ETS2: variants seen among roughly 807,000 people sequenced by gnomAD.
The protein encoded by ETS2 is ETS proto-oncogene 2, transcription factor.
A neutral mutation model predicts 54.9 loss-of-function variants in ETS2; 19 were observed. The ratio of observed to expected loss-of-function variants is 0.35; its 90% CI spans 0.24 to 0.51. ETS2 has a LOEUF of 0.51. Ranked by LOEUF, ETS2 falls within the 20% of genes least tolerant of loss-of-function variation. The pLI is 0.97. For missense variants in ETS2, 417 were observed against 593.0 expected, an observed-to-expected ratio of 0.70 and a Z score of 3.08; for synonymous variants, 219 against 229.3, an observed-to-expected ratio of 0.95 and a Z score of 0.41.
At position 38,814,371 on chromosome 21, in the gene ETS2, C is replaced by T. The variant is rs760122401; in HGVS notation, c.283C>T (p.Arg95Trp). The stretch of plus-strand genomic sequence containing the variant: ...CTTCAGTGGCTTCAAAAAGGAACAG[C>T]GGCGCCTGGGCATTCCAAAGAGTAA... ...ATFSGFKKEQ[R>W]RLGIPKNPWL... Residue 95 changes from arginine to tryptophan, a missense_variant, in exon 4 of 10, where the codon CGG becomes TGG. Transcript: ENST00000360938. This position sits in a 1 kb window ranked among gnomAD's most constrained non-coding sequence, Gnocchi z 4.2. The T allele has an allele frequency of 2.2e-5, 36 of 1,613,976 alleles. No individual in the cohort carries two copies. Among genetic ancestry groups the T allele is most frequent in the Admixed American group, 1.3e-4 (8 of 60,004 alleles).
chr21:38,807,520 C>G (rs953500365), intron 1 of ETS2, among the ~76,000 whole-genome samples: 15 of 150,954 alleles, frequency 9.9e-5, no homozygotes, highest in African/African-American at 3.7e-4. Flanking sequence ...ATCTAACAAG[C>G]CCTGTTGAGT....
chr21:38,819,602 A>G lies in ETS2; in HGVS notation c.911A>G (p.Asp304Gly). The G allele has an allele frequency of 6.2e-7, 1 of 1,614,154 alleles. No individual in the cohort carries two copies. The highest frequency in any genetic ancestry group is 8.5e-7 in the Non-Finnish European group (1 of 1,180,014). The change falls in exon 8 of 10, where the codon GAT becomes GGT. Residue 304 changes from aspartate (D) to glycine (G), a missense_variant. Asp to Gly is a moderately conservative substitution (Grantham distance 94, BLOSUM62 -1). Transcript: ENST00000360938. The stretch of plus-strand genomic sequence containing the variant: ...TGGAACAGCCAGTCGTCCTTGCTGG[A>G]TGTGCAACGGGTTCCTTCCTTCGAG... ...QSWNSQSSLL[D>G]VQRVPSFESF...
In ETS2 at chr21:38,823,425, T is replaced by C. The variant is rs1189114581; in HGVS notation, c.*536T>C. The C allele has an allele frequency of 6.6e-6, 1 of 152,632 alleles. No individual in the cohort carries two copies. Among genetic ancestry groups the C allele is most frequent in the Non-Finnish European group, 1.5e-5 (1 of 68,052 alleles). The allele number at this position is 152,632 out of a possible 1,614,324, so 9.5% of individuals were successfully genotyped here. ...AGAAATTGTATATTGTAATTTAAAATAATTATATAACTGTATTTGAAATAA... is the reference window on the plus strand; with the variant it reads ...AGAAATTGTATATTGTAATTTAAAACAATTATATAACTGTATTTGAAATAA... On this transcript the variant is annotated 3_prime_UTR_variant, in exon 10 of 10. Transcript: ENST00000360938.
chr21:38,805,989 G>T lies in ETS2; in HGVS notation c.-132G>T, dbSNP rs774473866. 13 of 1,263,460 alleles carry T rather than the reference G, an allele frequency of 1.0e-5. No individual in the cohort carries two copies. The South Asian group carries it at 1.5e-4, about 15-fold the overall frequency. The allele number at this position is 1,263,460 out of a possible 1,614,324, so 78.3% of individuals were successfully genotyped here. A position where few individuals can be genotyped will look rare whatever the true frequency, so the allele number is the denominator to read the frequency against. On this transcript the variant is annotated 5_prime_UTR_variant, in exon 1 of 10. Transcript: ENST00000360938. The surrounding 1 kb of genome is among the most constrained non-coding windows in gnomAD (Gnocchi z 5.2). The stretch of plus-strand genomic sequence containing the variant: ...GCTCCAGCTCAGAGCTCCCGGAGCC[G>T]CCCGGCCAGCGTCCGGCCTCCCTGA...
At chr21:38,810,305 GTTC>G (rs2060909300) in intron 2 of ETS2, among the ~76,000 whole-genome samples, 199 bp downstream of exon 2, 1 of 152,102 alleles carries the variant, frequency 6.6e-6, no homozygotes, top group African/African-American at 2.4e-5. Context: ...GATGTGTGTT[GTTC>G]TTCTCCTCCA....
At chr21:38,818,763 G>T in intron 7 of ETS2, 117 bp downstream of exon 7, 1 of 1,198,422 alleles carries the variant, frequency 8.3e-7, no homozygotes, top group Non-Finnish European at 1.2e-6. Flanking sequence ...GGGGGTCAAA[G>T]CCCATGTTCT....
At position 38,824,428 on chromosome 21, in the gene ETS2, C is replaced by CCTT. The variant is rs34669702; in HGVS notation, c.*1540_*1542dup. On this transcript the variant is annotated 3_prime_UTR_variant, in exon 10 of 10. Coordinates refer to ENST00000360938, the MANE Select transcript of ETS2 (RefSeq NM_005239.6). ...GCACCTGAGTCATGTGTATTCCCGG[C>CCTT]CTTTATAAATGACCCGGTCAAGTTG... The CCTT allele has an allele frequency of 0.34, 51,728 of 152,204 alleles. 8,823 individuals are homozygous for CCTT. Among genetic ancestry groups the CCTT allele is most frequent in the Non-Finnish European group, 0.36 (24,311 of 68,108 alleles). 9.4% of individuals were successfully genotyped at this position (152,204 alleles called of 1,614,324 possible). A position where few individuals can be genotyped will look rare whatever the true frequency, so the allele number is the denominator to read the frequency against.
chr21:38,809,044 G>C (rs750192284), intron 1 of ETS2, among the ~76,000 whole-genome samples: 26 of 152,198 alleles, frequency 1.7e-4, no homozygotes, highest in Non-Finnish European at 1.9e-4. Context: ...TAAATTTTCA[G>C]CCTATTATGT....
Position 38,814,204 on chromosome 21 carries a change from C to T in ETS2, c.185-69C>T. 2.7e-6 allele frequency: 4 copies of T among 1,492,774 alleles called. No homozygotes were observed. Among genetic ancestry groups the T allele is most frequent in the Non-Finnish European group, 3.7e-6 (4 of 1,087,718 alleles). The allele number at this position is 1,492,774 out of a possible 1,614,324, so 92.5% of individuals were successfully genotyped here. A position where few individuals can be genotyped will look rare whatever the true frequency, so the allele number is the denominator to read the frequency against. On this transcript the variant is annotated intron_variant, in intron 3 of 9. Transcript: ENST00000360938. The surrounding 1 kb of genome is among the most constrained non-coding windows in gnomAD (Gnocchi z 4.2). ...TGTTCTTTTCCAAAAACTAAGATGT[C>T]TCTCCTAAATCTCCACCTGATATCA...
In ETS2 at chr21:38,814,865, A is replaced by G. The variant is rs764212435; in HGVS notation, c.389A>G (p.Gln130Arg). The G allele has an allele frequency of 1.9e-6, 3 of 1,614,208 alleles. No individual in the cohort carries two copies. The South Asian group carries it at 3.3e-5, about 18-fold the overall frequency. Residue 130 changes from glutamine (Q) to arginine (R), a missense_variant, in exon 5 of 10, where the codon CAG (glutamine) becomes CGG (arginine). By Grantham distance (43) the Gln-to-Arg change is conservative. This residue lies in a region of ETS2 where 326 missense variants were observed against 426.1 expected (regional missense o/e 0.76). Coordinates refer to ENST00000360938, the MANE Select transcript of ETS2 (RefSeq NM_005239.6). The surrounding 1 kb of genome is among the most constrained non-coding windows in gnomAD (Gnocchi z 4.2). ...TTCAGTCTGGTGAACGTGAATCTGC[A>G]GAGGTTCGGCATGAATGGCCAGATG... ...NEFSLVNVNLQRFGMNGQMLC... is the reference protein window; with the variant it reads ...NEFSLVNVNLRRFGMNGQMLC...
At chr21:38,805,213 C>T, upstream of ETS2, 5 of 716,274 alleles carry the variant, frequency 7.0e-6, no homozygotes, top group South Asian at 7.9e-5. The surrounding 1 kb of genome is among the most constrained non-coding windows in gnomAD (Gnocchi z 5.2). Context: ...GGGATCGGGG[C>T]TTCCCGGGAG....
chr21:38,814,491 T>A lies in ETS2; in HGVS notation c.304+99T>A, dbSNP rs2060925360. The A allele has an allele frequency of 2.7e-6, 4 of 1,459,352 alleles. No homozygotes were observed. Among genetic ancestry groups the A allele is most frequent in the Non-Finnish European group, 3.8e-6 (4 of 1,066,014 alleles). 90.4% of individuals were successfully genotyped at this position (1,459,352 alleles called of 1,614,324 possible). A position where few individuals can be genotyped will look rare whatever the true frequency, so the allele number is the denominator to read the frequency against. ...TTTATTAAGCTTTTGCTTGGGGTAT[T>A]CTGCAAAGAGTAGCATGGATGTCGT... On this transcript the variant is annotated intron_variant, in intron 4 of 9. Coordinates refer to ENST00000360938, the MANE Select transcript of ETS2 (RefSeq NM_005239.6). The surrounding 1 kb of genome is among the most constrained non-coding windows in gnomAD (Gnocchi z 4.2).
At position 38,821,888 on chromosome 21, in the gene ETS2, A is replaced by G. The variant is rs2060959624; in HGVS notation, c.1194+184A>G. ...CATTGCTTTGTTGATAAACGTGTAC[A>G]GTGTTTTCTGGGTATGCTTCATACA... On this transcript the variant is annotated intron_variant, in intron 9 of 9. Coordinates refer to ENST00000360938, the MANE Select transcript of ETS2 (RefSeq NM_005239.6). This position sits in a 1 kb window ranked among gnomAD's most constrained non-coding sequence, Gnocchi z 4.2. 6.6e-6 allele frequency among the ~76,000 whole-genome samples: 1 copy of G among 152,330 alleles called. No individual in the cohort carries two copies. The highest frequency in any genetic ancestry group is 2.4e-5 in the African/African-American group (1 of 41,574).
Position 38,819,487 on chromosome 21 carries a change from T to C in ETS2, c.812-16T>C, listed in dbSNP as rs201764881. 13 of 1,612,990 alleles carry C rather than the reference T, an allele frequency of 8.1e-6. No individual in the cohort carries two copies. The African/African-American group carries it at 1.1e-4, about 13-fold the overall frequency. ...TCCTGGAGGAATCAAAGTATGTGTTTGGTTGTCTTTGCCAGGGACTCCCAA... is the reference window on the plus strand; with the variant it reads ...TCCTGGAGGAATCAAAGTATGTGTTCGGTTGTCTTTGCCAGGGACTCCCAA... On this transcript the variant is annotated splice_polypyrimidine_tract_variant and intron_variant, in intron 7 of 9. Coordinates refer to ENST00000360938, the MANE Select transcript of ETS2 (RefSeq NM_005239.6).
At chr21:38,808,289 G>A (rs943358816) in intron 1 of ETS2, among the ~76,000 whole-genome samples, 3 of 152,146 alleles carry the variant, frequency 2.0e-5, no homozygotes, top group Non-Finnish European at 2.9e-5. Flanking sequence ...CCCCCAGCAC[G>A]GGGCTTAGCT....
chr21:38,818,564 G>T lies in ETS2; in HGVS notation c.729G>T (p.Arg243=). The change falls in exon 7 of 10, where the codon CGG becomes CGT. Residue 243 remains arginine (R), a synonymous_variant. Coordinates refer to ENST00000360938, the MANE Select transcript of ETS2 (RefSeq NM_005239.6). The part of the protein sequence containing the change: ...EQEFQMFPKS[R]LSSVSVTYCS... ...AGTTTCAGATGTTCCCCAAGTCTCG[G>T]CTCAGCTCCGTCAGCGTCACCTACT... The T allele has an allele frequency of 2.5e-6, 4 of 1,614,148 alleles. No homozygotes were observed. Among genetic ancestry groups the T allele is most frequent in the Non-Finnish European group, 3.4e-6 (4 of 1,180,040 alleles).
intron 2 of ETS2, 43 bp downstream of exon 2, chr21:38,810,149 C>T (rs148078116): frequency 2.0e-4 from 244 of 1,227,640 alleles, no homozygotes; most frequent in Non-Finnish European, 2.2e-4. Context: ...TTGGAAAACT[C>T]GATCTCTAGG....
Position 38,806,112 on chromosome 21 carries a change from A to G in ETS2, c.-9A>G. 1.9e-6 allele frequency: 2 copies of G among 1,055,276 alleles called. No homozygotes were observed. The highest frequency in any genetic ancestry group is 4.7e-4 in the Middle Eastern group (1 of 2,140). 65.4% of individuals were successfully genotyped at this position (1,055,276 alleles called of 1,614,324 possible). A position where few individuals can be genotyped will look rare whatever the true frequency, so the allele number is the denominator to read the frequency against. ...CCGACCAAGCGCCGGCCCTGCCCGC[A>G]GCGGCAGGGTAAGAGCTGGGCCCGC... On this transcript the variant is annotated 5_prime_UTR_variant, in exon 1 of 10. Transcript: ENST00000360938. The surrounding 1 kb of genome is among the most constrained non-coding windows in gnomAD (Gnocchi z 4.3).
rs200893699 is a variant in ETS2 at position 38,818,474 on chromosome 21, C to T, written c.639C>T (p.Pro213=). 1.1e-5 allele frequency: 18 copies of T among 1,614,044 alleles called. No homozygotes were observed. Among genetic ancestry groups the T allele is most frequent in the Non-Finnish European group, 1.4e-5 (16 of 1,180,040 alleles). ...APYGMQTQNY[P]KGGLLDSMCP... ...ATGGAATGCAGACACAGAATTACCC[C>T]AAAGGCGGCCTCCTGGACAGCATGT... Residue 213 remains proline, a synonymous_variant, in exon 7 of 10, where the codon CCC becomes CCT. Coordinates refer to ENST00000360938, the MANE Select transcript of ETS2 (RefSeq NM_005239.6).
Sources: allele counts gnomAD v4.1 joint callset (sites outside exome capture counted in the v4.1 genomes callset), GRCh38; gene constraint gnomAD v4.1.1; regional missense constraint gnomAD v4.1.1; non-coding constraint Gnocchi (gnomAD v3.1); transcripts MANE v1.5; gene names NCBI Gene and HGNC (gene_info 2026-07-23, HGNC 2026-07-21).